The following MALRD1 variants were observed in gnomAD, a reference collection of about 807,000 sequenced individuals.
MALRD1 encodes MAM and LDL-receptor class A domain-containing protein 1.
A neutral mutation model predicts 242.1 loss-of-function variants in MALRD1; 247 were observed. That is an observed-to-expected ratio of 1.02 (90% CI 0.92 to 1.13). MALRD1 has a LOEUF of 1.13. Ranked by LOEUF, MALRD1 falls within the 50% of genes most tolerant of loss-of-function variation. MALRD1 has a pLI of 0.00. For missense variants in MALRD1, 2,989 were observed against 2,533.1 expected (o/e 1.18, Z -3.86); for synonymous variants, 995 against 866.6 (o/e 1.15, Z -2.60).
At chr10:19,232,887 C>G (rs1176496151) in intron 18 of MALRD1, among the ~76,000 whole-genome samples, 1 of 152,114 alleles carries the variant, frequency 6.6e-6, no homozygotes, top group Non-Finnish European at 1.5e-5. Flanking sequence ...CAGCTTGTCC[C>G]CTCCACACTT....
chr10:19,431,864 C>G (rs1834143961), intron 28 of MALRD1, among the ~76,000 whole-genome samples: 2 of 152,172 alleles, frequency 1.3e-5, no homozygotes, highest in South Asian at 4.1e-4. Context: ...GGGACAGATA[C>G]AATCATTCAT....
intron 38 of MALRD1, among the ~76,000 whole-genome samples, chr10:19,724,356 C>G (rs983803526): frequency 1.3e-5 from 2 of 152,168 alleles, no homozygotes; most frequent in Admixed American, 6.5e-5. Context: ...ATAGAAAACA[C>G]TCACTGAAAC....
intron 19 of MALRD1, among the ~76,000 whole-genome samples, chr10:19,270,628 G>GA: frequency 6.6e-6 from 1 of 152,194 alleles, no homozygotes; most frequent in Non-Finnish European, 1.5e-5. Flanking sequence ...GGGGAGAGGA[G>GA]AGCCAGAAGT....
At chr10:19,109,531 G>A (rs1446564575) in intron 5 of MALRD1, among the ~76,000 whole-genome samples, 2 of 152,206 alleles carry the variant, frequency 1.3e-5, no homozygotes, top group African/African-American at 4.8e-5. Context: ...ACTAGGTATA[G>A]GCTTCAAATA....
At chr10:19,249,923 G>A (rs1839228869) in intron 18 of MALRD1, among the ~76,000 whole-genome samples, 1 of 151,792 alleles carries the variant, frequency 6.6e-6, no homozygotes, top group African/African-American at 2.4e-5. Flanking sequence ...TTGCTACATA[G>A]AAACATAAAA....
chr10:19,205,736 G>T (rs1026198565), intron 17 of MALRD1, among the ~76,000 whole-genome samples: 2 of 151,982 alleles, frequency 1.3e-5, no homozygotes, highest in Admixed American at 1.3e-4. Context: ...AGCCAGTGTG[G>T]CTGGAGCAAG....
At chr10:19,263,471 CT>C in intron 19 of MALRD1, among the ~76,000 whole-genome samples, 1 of 151,764 alleles carries the variant, frequency 6.6e-6, no homozygotes, top group Admixed American at 6.6e-5. Flanking sequence ...TTTTGCCCCT[CT>C]TAAAATTGGA....
intron 26 of MALRD1, among the ~76,000 whole-genome samples, chr10:19,385,818 G>T (rs1846049558): frequency 6.6e-6 from 1 of 151,904 alleles, no homozygotes; most frequent in African/African-American, 2.4e-5. Flanking sequence ...ATAAAGTTAG[G>T]ATGTTTATTT....
chr10:19,364,610 A>G (rs146599901), intron 26 of MALRD1, among the ~76,000 whole-genome samples: 10 of 152,252 alleles, frequency 6.6e-5, no homozygotes, highest in Admixed American at 5.2e-4. Flanking sequence ...GTTAAATGAA[A>G]ACCAAAAATG....
intron 18 of MALRD1, among the ~76,000 whole-genome samples, chr10:19,214,128 G>T (rs1017683491): frequency 2.0e-5 from 3 of 152,122 alleles, no homozygotes; most frequent in Non-Finnish European, 4.4e-5. Context: ...CAGAGCTCTG[G>T]AGTTCTCTTT....
chr10:19,306,795 G>T (rs1429696615), intron 21 of MALRD1, among the ~76,000 whole-genome samples: 1 of 146,876 alleles, frequency 6.8e-6, no homozygotes, highest in Non-Finnish European at 1.5e-5. Context: ...TCACATGGCA[G>T]CAAGGAGAAG....
intron 38 of MALRD1, among the ~76,000 whole-genome samples, chr10:19,713,334 A>C (rs1834230553): frequency 6.6e-6 from 1 of 152,350 alleles, no homozygotes; most frequent in South Asian, 2.1e-4. Context: ...ATATCCAGAT[A>C]AGACCAAAAC....
intron 28 of MALRD1, among the ~76,000 whole-genome samples, chr10:19,398,796 A>G (rs952484730): frequency 2.1e-4 from 32 of 152,242 alleles, no homozygotes; most frequent in African/African-American, 7.7e-4. Context: ...CTTATATAAA[A>G]AAGCAATTCC....
chr10:19,132,259 G>A lies in MALRD1; in HGVS notation c.1111-1597G>A, dbSNP rs576042325. On this transcript the variant is annotated intron_variant, in intron 8 of 39. Coordinates refer to ENST00000454679, the MANE Select transcript of MALRD1 (RefSeq NM_001142308.3). ...GTCACTAAAAGCATCTGTGTAGGGT[G>A]ATGCTAAATAACTGAAGTTGTGTAA... 9.2e-5 allele frequency among the ~76,000 whole-genome samples: 14 copies of A among 152,302 alleles called. No individual in the cohort carries two copies. In the South Asian group the frequency reaches 2.9e-3, roughly 32 times the overall value.
Position 19,239,303 on chromosome 10 carries a change from A to G in MALRD1, c.2992-18381A>G, listed in dbSNP as rs929322427. Among the ~76,000 whole-genome samples the G allele has an allele frequency of 5.3e-5, 8 of 151,776 alleles. No homozygotes were observed. In the South Asian group the frequency reaches 8.3e-4, roughly 16 times the overall value. ...TCAAACTCCTGACCTCAGGCAATCC[A>G]CCCGCCTCAGCCTCCCAGTTTTGCC... is the stretch of plus-strand genomic sequence containing the variant. On this transcript the variant is annotated intron_variant, in intron 18 of 39. Transcript: ENST00000454679.
Position 19,498,081 on chromosome 10 carries a change from G to T in MALRD1, c.5159-404G>T, listed in dbSNP as rs145906672. Among the ~76,000 whole-genome samples the T allele has an allele frequency of 6.6e-3, 1,009 of 152,298 alleles. 3 individuals carry two copies. Among genetic ancestry groups the T allele is most frequent in the South Asian group, 0.012 (56 of 4,830 alleles). On this transcript the variant is annotated intron_variant, in intron 30 of 39. Transcript: ENST00000454679. ...CCAAAGTGCCTTTTCTTGAGTAAAT[G>T]ACTTTGCGTCGCTAATAGGCTATGC... is the stretch of plus-strand genomic sequence containing the variant.
At chr10:19,329,252 G>A (rs983295114) in intron 23 of MALRD1, among the ~76,000 whole-genome samples, 2 of 152,112 alleles carry the variant, frequency 1.3e-5, no homozygotes, top group Admixed American at 1.3e-4. Context: ...AGAGACAGTG[G>A]TTAGTTAGGC....
intron 38 of MALRD1, among the ~76,000 whole-genome samples, chr10:19,705,799 A>G (rs1833836333): frequency 6.9e-6 from 1 of 145,758 alleles, no homozygotes; most frequent in Non-Finnish European, 1.5e-5. Context: ...CATGTCCTGC[A>G]ATAGTAAAAA....
At chr10:19,202,128 C>T (rs1162505577) in intron 14 of MALRD1, among the ~76,000 whole-genome samples, 3 of 152,042 alleles carry the variant, frequency 2.0e-5, no homozygotes, top group Admixed American at 6.6e-5. Flanking sequence ...AAACTTTACT[C>T]TAAATATAGT....
Sources: allele counts gnomAD v4.1 joint callset (sites outside exome capture counted in the v4.1 genomes callset), GRCh38; gene constraint gnomAD v4.1.1; transcripts MANE v1.5; gene names NCBI Gene and HGNC (gene_info 2026-07-23, HGNC 2026-07-21).